EVA1C: variants seen among roughly 807,000 people sequenced by gnomAD.
EVA1C encodes the protein eva-1 homolog C.
Under a neutral mutation model 45.4 loss-of-function variants are expected in EVA1C, and 25 were observed. The ratio of observed to expected loss-of-function variants is 0.55; its 90% CI spans 0.40 to 0.77. The LOEUF (loss-of-function observed/expected upper bound fraction) is 0.77. EVA1C is among the 30% of genes least tolerant of loss of function. The pLI is 0.00. For synonymous variants in EVA1C, 190 were observed against 221.2 expected (o/e 0.86, Z 1.25); for missense variants, 479 against 554.8 (o/e 0.86, Z 1.37).
At chr21:32,480,390 C>A (rs2036737473) in intron 4 of EVA1C, among the ~76,000 whole-genome samples, 1 of 150,220 alleles carries the variant, frequency 6.7e-6, no homozygotes, top group African/African-American at 2.5e-5. Flanking sequence ...AAAATGTTCA[C>A]AAATATACTA....
At chr21:32,462,629 G>A (rs117869597) in intron 3 of EVA1C, among the ~76,000 whole-genome samples, 3 of 152,322 alleles carry the variant, frequency 2.0e-5, no homozygotes, top group Non-Finnish European at 4.4e-5. Context: ...TGACATGTTC[G>A]TGATGGCCAT....
intron 4 of EVA1C, among the ~76,000 whole-genome samples, chr21:32,492,081 A>G (rs183869200): frequency 2.2e-3 from 335 of 152,244 alleles, no homozygotes; most frequent in Non-Finnish European, 4.1e-3. Context: ...TCAAAAATAT[A>G]TCAGAATTTC....
At chr21:32,480,910 C>T (rs1001823579) in intron 4 of EVA1C, among the ~76,000 whole-genome samples, 3 of 151,824 alleles carry the variant, frequency 2.0e-5, no homozygotes, top group Non-Finnish European at 4.4e-5. Flanking sequence ...TCGCAGTGTG[C>T]TGAGATCGTG....
intron 1 of EVA1C, among the ~76,000 whole-genome samples, chr21:32,423,803 G>A (rs566585309): frequency 5.3e-5 from 8 of 152,112 alleles, no homozygotes; most frequent in Non-Finnish European, 7.3e-5. Flanking sequence ...TTTTCCACAC[G>A]CAGAAAACCA....
rs2036499713 is a variant in EVA1C, at chr21:32,474,861, A to G, written c.634+7013A>G. On this transcript the variant is annotated intron_variant, in intron 4 of 7. Coordinates refer to ENST00000300255, the MANE Select transcript of EVA1C (RefSeq NM_058187.5). This position sits in a 1 kb window ranked among gnomAD's most constrained non-coding sequence, Gnocchi z 4.4. ...CTTTTTTTCTAAGTGAAATGTTCCA[A>G]CTTCTAAAACATTGTGTGAGCCAAA... is the stretch of plus-strand genomic sequence containing the variant. 6.6e-6 allele frequency among the ~76,000 whole-genome samples: 1 copy of G among 152,226 alleles called. No individual in the cohort carries two copies. Among genetic ancestry groups the G allele is most frequent in the South Asian group, 2.1e-4 (1 of 4,826 alleles).
intron 7 of EVA1C, among the ~76,000 whole-genome samples, chr21:32,510,780 A>T (rs1601079186): frequency 1.3e-5 from 2 of 152,242 alleles, no homozygotes; most frequent in South Asian, 2.1e-4. Context: ...CACACCTGTA[A>T]TCCCAGCACT....
chr21:32,509,600 G>A (rs2037878977), intron 7 of EVA1C, among the ~76,000 whole-genome samples: 1 of 152,148 alleles, frequency 6.6e-6, no homozygotes, highest in Non-Finnish European at 1.5e-5. Context: ...GATGGCACTG[G>A]GGATTTGGCA....
intron 4 of EVA1C, among the ~76,000 whole-genome samples, chr21:32,489,099 T>C (rs2146381959): frequency 6.6e-6 from 1 of 152,376 alleles, no homozygotes; most frequent in African/African-American, 2.4e-5. Context: ...GTGCAGAAGC[T>C]TTTTAGCTTG....
chr21:32,427,678 A>G (rs1487184794), intron 1 of EVA1C, among the ~76,000 whole-genome samples: 1 of 151,410 alleles, frequency 6.6e-6, no homozygotes, highest in African/African-American at 2.4e-5. Context: ...GTGCCACTGC[A>G]CTCCAGCCTG....
intron 1 of EVA1C, among the ~76,000 whole-genome samples, chr21:32,425,382 C>T (rs990960331): frequency 6.7e-6 from 1 of 148,426 alleles, no homozygotes; most frequent in Non-Finnish European, 1.5e-5. Flanking sequence ...CAGGGTCTTG[C>T]TAGATTGCCC....
chr21:32,431,469 G>C (rs2034700358), intron 1 of EVA1C, among the ~76,000 whole-genome samples: 1 of 152,186 alleles, frequency 6.6e-6, no homozygotes, highest in Non-Finnish European at 1.5e-5. Context: ...TGACCTTGGG[G>C]TGTGTTTCAC....
chr21:32,434,262 C>T (rs1334038868), intron 1 of EVA1C, among the ~76,000 whole-genome samples: 1 of 151,712 alleles, frequency 6.6e-6, no homozygotes, highest in Non-Finnish European at 1.5e-5. Flanking sequence ...CACCACTGCA[C>T]TCCAGCCTGG....
intron 6 of EVA1C, 33 bp from the exon 7 acceptor site, chr21:32,503,893 T>C (rs763004592): frequency 1.1e-5 from 17 of 1,493,592 alleles, no homozygotes. Context: ...TGAACAGCTG[T>C]GATTAATTGG....
intron 4 of EVA1C, among the ~76,000 whole-genome samples, chr21:32,475,786 A>G (rs1231889772): frequency 6.6e-6 from 1 of 152,128 alleles, no homozygotes; most frequent in Admixed American, 6.6e-5. Flanking sequence ...GCTGACTTCC[A>G]GCTGACTTCC....
At chr21:32,503,733 C>T (rs1358192490) in intron 6 of EVA1C, among the ~76,000 whole-genome samples, 193 bp from the exon 7 acceptor site, 2 of 152,038 alleles carry the variant, frequency 1.3e-5, no homozygotes, top group South Asian at 2.1e-4. Flanking sequence ...TTAATATTGT[C>T]GGGGACTGCT....
intron 1 of EVA1C, among the ~76,000 whole-genome samples, chr21:32,416,833 A>G (rs1033868595): frequency 1.3e-5 from 2 of 152,224 alleles, no homozygotes; most frequent in Admixed American, 6.5e-5. Context: ...CCTAGGGCAC[A>G]TAGTGGTGAA....
chr21:32,504,891 C>T (rs2037674707), intron 7 of EVA1C, among the ~76,000 whole-genome samples: 3 of 151,214 alleles, frequency 2.0e-5, no homozygotes, highest in African/African-American at 4.9e-5. Context: ...GTTTAATGGA[C>T]TCACAGTTCC....
At chr21:32,437,192 A>T (rs73190661) in intron 1 of EVA1C, among the ~76,000 whole-genome samples, 14,716 of 151,980 alleles carry the variant, frequency 0.097, 439 homozygotes, top group Middle Eastern at 0.2. Context: ...ACATAGATTC[A>T]AACATAAAAT....
In EVA1C at chr21:32,501,496, G is replaced by A. The variant is rs1315042440; in HGVS notation, c.859+1G>A. 3 of 1,595,004 alleles carry A rather than the reference G, an allele frequency of 1.9e-6. No homozygotes were observed. The highest frequency in any genetic ancestry group is 1.1e-5 in the South Asian group (1 of 90,374). On this transcript the variant is annotated splice_donor_variant, in intron 6 of 7. Transcript: ENST00000300255. LOFTEE classifies it high-confidence loss of function. Reference sequence around the variant, plus strand: ...TTGAAGCAGAAAGATGGTGAATATGGTAATTTTTATGGCTTACTACCAGCA... The same window carrying A: ...TTGAAGCAGAAAGATGGTGAATATGATAATTTTTATGGCTTACTACCAGCA...
Sources: gnomAD v4.1 joint callset for allele counts (sites outside exome capture counted in the v4.1 genomes callset) on GRCh38, gnomAD v4.1.1 for gene constraint, Gnocchi (gnomAD v3.1) non-coding constraint, MANE v1.5 for transcripts, NCBI Gene and HGNC (gene_info 2026-07-23, HGNC 2026-07-21) for gene names.